ERG: variants seen among roughly 807,000 people sequenced by gnomAD.
ERG encodes transcriptional regulator ERG.
Under a neutral mutation model 55.3 loss-of-function variants are expected in ERG, and 9 were observed. The observed-to-expected ratio is 0.16, with a 90% CI of 0.10 to 0.28. The LOEUF is 0.28. Ranked by LOEUF, ERG falls within the 10% of genes least tolerant of loss-of-function variation. The pLI is 1.00. For synonymous variants in ERG, 223 were observed against 237.3 expected (o/e 0.94, Z 0.55); for missense variants, 434 against 631.6 (o/e 0.69, Z 3.35).
chr21:38,439,081 G>C (rs2058817272), intron 2 of ERG, among the ~76,000 whole-genome samples: 1 of 152,178 alleles, frequency 6.6e-6, no homozygotes, highest in African/African-American at 2.4e-5. Flanking sequence ...ACTGGGCTGA[G>C]GGGGGACTCA....
intron 6 of ERG, among the ~76,000 whole-genome samples, chr21:38,393,255 A>G (rs1988059680): frequency 6.6e-6 from 1 of 152,240 alleles, no homozygotes; most frequent in South Asian, 2.1e-4. Context: ...TTTAATAACT[A>G]TACTTCTGCA....
chr21:38,565,325 CAA>C (rs2059916429), intron 2 of ERG, among the ~76,000 whole-genome samples: 1 of 152,178 alleles, frequency 6.6e-6, no homozygotes, highest in South Asian at 2.1e-4. Context: ...GAACTTCAAC[CAA>C]TGTAAATTAT....
chr21:38,534,907 C>T (rs1218396943), intron 2 of ERG, among the ~76,000 whole-genome samples: 3 of 152,086 alleles, frequency 2.0e-5, no homozygotes, highest in Non-Finnish European at 4.4e-5. Context: ...AATTTGGACA[C>T]ATTGTACAAT....
At chr21:38,547,859 G>C (rs1212194712) in intron 2 of ERG, among the ~76,000 whole-genome samples, 1 of 152,042 alleles carries the variant, frequency 6.6e-6, no homozygotes, top group African/African-American at 2.4e-5. Flanking sequence ...CTGCACCACT[G>C]TTAAGTAGAG....
At chr21:38,507,994 C>A (rs374429658) in intron 2 of ERG, among the ~76,000 whole-genome samples, 27 of 1,554 alleles carry the variant, frequency 0.017, no homozygotes, top group East Asian at 0.033. Flanking sequence ...CAGACACACA[C>A]ACATGCACAC....
rs754728176 is a variant in ERG at position 38,498,375 on chromosome 21, G to A, written c.6C>T (p.Ala2=). 7 of 1,601,262 alleles carry A rather than the reference G, an allele frequency of 4.4e-6. No homozygotes were observed. The highest frequency in any genetic ancestry group is 5.1e-6 in the Non-Finnish European group (6 of 1,170,884). M[A]STIKEALSVV... is the part of the protein sequence containing the mutation. The stretch of plus-strand genomic sequence containing the variant: ...ACCCTTTCCTTACCTTAATAGTGCT[G>A]GCCATAATGCGATCAAGTTTATTGA... Residue 2 remains alanine, a synonymous_variant, in exon 1 of 10, where the codon GCC becomes GCT. Coordinates refer to ENST00000288319, the MANE Select transcript of ERG (RefSeq NM_182918.4). This position sits in a 1 kb window ranked among gnomAD's most constrained non-coding sequence, Gnocchi z 4.6.
intron 1 of ERG, among the ~76,000 whole-genome samples, chr21:38,578,264 T>C (rs2060007116): frequency 6.6e-6 from 1 of 152,190 alleles, no homozygotes; most frequent in Non-Finnish European, 1.5e-5. Context: ...GGGTAGTTTA[T>C]TACACACACA....
intron 1 of ERG, among the ~76,000 whole-genome samples, chr21:38,481,613 A>T (rs1181808318): frequency 6.6e-6 from 1 of 152,248 alleles, no homozygotes; most frequent in Non-Finnish European, 1.5e-5. Context: ...AAAGCAGATC[A>T]TCTTGAAACT....
intron 2 of ERG, among the ~76,000 whole-genome samples, chr21:38,507,602 C>A (rs558007727): frequency 6.6e-6 from 1 of 152,250 alleles, no homozygotes; most frequent in African/African-American, 2.4e-5. Context: ...GAGAGCAATA[C>A]TGGCTGTGTC....
rs1987371045 is a variant in ERG, at chr21:38,380,401, A to T, written c.*3002T>A. On this transcript the variant is annotated 3_prime_UTR_variant, in exon 10 of 10. Transcript: ENST00000288319. ...CCCCTCCGGGACATAAGGGCATCAA[A>T]CTAGGAACAAAAACACAGTCTTGAC... 1 of 1,061,922 alleles carries T rather than the reference A, an allele frequency of 9.4e-7. No individual in the cohort carries two copies. Among genetic ancestry groups the T allele is most frequent in the Admixed American group, 5.4e-5 (1 of 18,636 alleles). The allele number at this position is 1,061,922 out of a possible 1,614,324, so 65.8% of individuals were successfully genotyped here.
upstream of ERG, among the ~76,000 whole-genome samples, chr21:38,587,901 T>C (rs1440375791): frequency 2.6e-5 from 4 of 152,276 alleles, no homozygotes. Flanking sequence ...TGAGACATTG[T>C]TGGGCCTGAT....
intron 1 of ERG, among the ~76,000 whole-genome samples, chr21:38,579,923 C>T (rs145469489): frequency 0.038 from 5,847 of 151,988 alleles, 363 homozygotes; most frequent in African/African-American, 0.13. Context: ...CGGGTTCACA[C>T]CATTCTCCTG....
chr21:38,428,424 A>C (rs930658620), intron 2 of ERG, among the ~76,000 whole-genome samples: 1 of 152,142 alleles, frequency 6.6e-6, no homozygotes, highest in Non-Finnish European at 1.5e-5. Flanking sequence ...CACCTGCACC[A>C]AGCGCTGCCC....
chr21:38,480,591 C>CTTTTTTTTTTTTTTTTTGT (rs2059229077), intron 1 of ERG, among the ~76,000 whole-genome samples: 1 of 51,112 alleles, frequency 2.0e-5, no homozygotes, highest in Non-Finnish European at 3.4e-5. Flanking sequence ...ACTATATGGC[C>CTTTTTTTTTTTTTTTTTGT]TTTTTTTTTT....
rs914335567 is a variant in ERG at position 38,432,387 on chromosome 21, C to T, written c.237-8826G>A. ...GGGATTGCAGGCATGAGCTGCTGCA[C>T]TGAAACCCCTAATTTCTAGATTTTA... On this transcript the variant is annotated intron_variant, in intron 2 of 9. Transcript: ENST00000288319. 6.6e-5 allele frequency among the ~76,000 whole-genome samples: 10 copies of T among 152,350 alleles called. No homozygotes were observed. In the East Asian group the frequency reaches 1.9e-3, roughly 29 times the overall value.
intron 1 of ERG, among the ~76,000 whole-genome samples, chr21:38,578,355 T>A (rs1380849121): frequency 6.6e-6 from 1 of 152,218 alleles, no homozygotes; most frequent in East Asian, 1.9e-4. Context: ...TCACTATGGA[T>A]AAGTACAAAG....
intron 1 of ERG, among the ~76,000 whole-genome samples, chr21:38,453,032 C>T (rs908952833): frequency 6.6e-6 from 1 of 152,210 alleles, no homozygotes; most frequent in African/African-American, 2.4e-5. Flanking sequence ...CCACAAACTT[C>T]TATTACATCC....
At chr21:38,462,863 G>A (rs2059056111) in intron 1 of ERG, among the ~76,000 whole-genome samples, 3 of 152,262 alleles carry the variant, frequency 2.0e-5, no homozygotes, top group Admixed American at 2.0e-4. Flanking sequence ...CTTGCAAGTG[G>A]CCTGTCTTAT....
chr21:38,498,594 T>C (rs772721624), upstream of ERG: 53 of 952,754 alleles, frequency 5.6e-5, no homozygotes, highest in Non-Finnish European at 6.6e-5. The surrounding 1 kb of genome is among the most constrained non-coding windows in gnomAD (Gnocchi z 4.6). Flanking sequence ...TAAGAGACCC[T>C]GAAAACAATG....
Sources: allele counts gnomAD v4.1 joint callset (sites outside exome capture counted in the v4.1 genomes callset), GRCh38; gene constraint gnomAD v4.1.1; non-coding constraint Gnocchi (gnomAD v3.1); transcripts MANE v1.5; gene names NCBI Gene and HGNC (gene_info 2026-07-23, HGNC 2026-07-21).